Variants in ZNF407 observed in about 807,000 individuals in gnomAD.
ZNF407 encodes the protein zinc finger protein 407.
A neutral mutation model predicts 131.2 loss-of-function variants in ZNF407; 17 were observed. The ratio of observed to expected loss-of-function variants is 0.13; its 90% CI spans 0.09 to 0.19. The LOEUF (loss-of-function observed/expected upper bound fraction) is 0.19. ZNF407 is among the 10% of genes least tolerant of loss of function. The pLI is 1.00. For missense variants in ZNF407, 2,681 were observed against 2,830.6 expected, an observed-to-expected ratio of 0.95 and a Z score of 1.20; for synonymous variants, 1,156 against 1,062.0, an observed-to-expected ratio of 1.09 and a Z score of -1.72.
intron 3 of ZNF407, among the ~76,000 whole-genome samples, chr18:74,655,673 A>G (rs1025113674): frequency 6.6e-6 from 1 of 152,182 alleles, no homozygotes; most frequent in Admixed American, 6.6e-5. Flanking sequence ...TAATTTGTCT[A>G]TCTACTTTCA....
chr18:74,716,562 G>A (rs775243961), intron 3 of ZNF407, among the ~76,000 whole-genome samples: 32 of 152,212 alleles, frequency 2.1e-4, no homozygotes, highest in East Asian at 1.7e-3. Context: ...TAACTTATCC[G>A]TGGAGTTTTA....
intron 3 of ZNF407, among the ~76,000 whole-genome samples, chr18:74,702,000 G>T (rs1364474689): frequency 6.6e-6 from 1 of 152,196 alleles, no homozygotes; most frequent in Non-Finnish European, 1.5e-5. Flanking sequence ...ATAGTGCTCT[G>T]TGGGGTGCCA....
intron 3 of ZNF407, among the ~76,000 whole-genome samples, chr18:74,676,634 CCG>C (rs1156513530): frequency 2.6e-5 from 4 of 151,926 alleles, no homozygotes; most frequent in Admixed American, 2.0e-4. Context: ...CGGGGTTTCA[CCG>C]TGTTAGCCAG....
chr18:74,749,764 A>G (rs1968755995), intron 3 of ZNF407, among the ~76,000 whole-genome samples: 2 of 152,202 alleles, frequency 1.3e-5, no homozygotes, highest in Non-Finnish European at 2.9e-5. Context: ...AAAGTACAAC[A>G]GTAGGTCAAG....
intron 8 of ZNF407, among the ~76,000 whole-genome samples, chr18:74,957,785 C>A (rs549723112): frequency 1.7e-3 from 260 of 152,294 alleles, no homozygotes; most frequent in African/African-American, 6.0e-3. Flanking sequence ...TGGTACAGAT[C>A]TTCAAGATGT....
At chr18:74,667,308 ATTT>A (rs1296220318) in intron 3 of ZNF407, among the ~76,000 whole-genome samples, 1 of 152,158 alleles carries the variant, frequency 6.6e-6, no homozygotes, top group Non-Finnish European at 1.5e-5. Context: ...AGTGCTTTTC[ATTT>A]GTGTGTTACA....
chr18:74,975,812 A>G (rs1972521869), intron 8 of ZNF407, among the ~76,000 whole-genome samples: 1 of 152,176 alleles, frequency 6.6e-6, no homozygotes, highest in African/African-American at 2.4e-5. Flanking sequence ...TAAAGTTCAG[A>G]CAAGAAATGG....
chr18:74,750,855 T>C (rs1968784348), intron 3 of ZNF407, among the ~76,000 whole-genome samples: 1 of 152,222 alleles, frequency 6.6e-6, no homozygotes, highest in African/African-American at 2.4e-5. Flanking sequence ...TTGTTGTTTG[T>C]CTTTTTGATT....
At chr18:74,783,123 A>C (rs1207857822) in intron 4 of ZNF407, among the ~76,000 whole-genome samples, 5 of 152,204 alleles carry the variant, frequency 3.3e-5, no homozygotes, top group Non-Finnish European at 7.3e-5. Context: ...TTGCTTTCAC[A>C]TGCATTATCT....
chr18:74,987,298 T>C (rs1972664835), intron 8 of ZNF407, among the ~76,000 whole-genome samples: 1 of 152,198 alleles, frequency 6.6e-6, no homozygotes, highest in South Asian at 2.1e-4. Context: ...GCTCCTTTGA[T>C]AGACGATAAC....
chr18:74,782,521 A>G (rs1043312953), intron 4 of ZNF407, among the ~76,000 whole-genome samples: 9 of 151,554 alleles, frequency 5.9e-5, no homozygotes, highest in East Asian at 1.9e-4. Context: ...CTTTGCACCC[A>G]TATGTTTGAT....
chr18:74,764,273 A>G (rs1969178251), intron 3 of ZNF407, among the ~76,000 whole-genome samples: 2 of 152,062 alleles, frequency 1.3e-5, no homozygotes. Flanking sequence ...ATTTTTAAAA[A>G]CCTATGTTCT....
At chr18:74,855,111 A>C (rs1398815663) in intron 4 of ZNF407, among the ~76,000 whole-genome samples, 1 of 152,166 alleles carries the variant, frequency 6.6e-6, no homozygotes, top group Non-Finnish European at 1.5e-5. Flanking sequence ...ACCTATAAAT[A>C]AGTTGTGCTT....
At chr18:75,018,467 A>G (rs975755391) in intron 8 of ZNF407, among the ~76,000 whole-genome samples, 5 of 152,090 alleles carry the variant, frequency 3.3e-5, no homozygotes, top group African/African-American at 1.2e-4. Flanking sequence ...AAATAATTTT[A>G]TAAATGAAAA....
At chr18:74,859,072 TATG>T (rs757899101) in intron 4 of ZNF407, among the ~76,000 whole-genome samples, 1 of 152,190 alleles carries the variant, frequency 6.6e-6, no homozygotes, top group Non-Finnish European at 1.5e-5. Context: ...AGTGTACGGT[TATG>T]AAGTGTGGTA....
intron 3 of ZNF407, among the ~76,000 whole-genome samples, chr18:74,717,795 C>T (rs1412488464): frequency 6.6e-6 from 1 of 152,198 alleles, no homozygotes; most frequent in South Asian, 2.1e-4. Flanking sequence ...AATATACTTA[C>T]TGGTTCAGCA....
At chr18:75,014,600 T>G (rs1361838099) in intron 8 of ZNF407, among the ~76,000 whole-genome samples, 1 of 152,088 alleles carries the variant, frequency 6.6e-6, no homozygotes, top group African/African-American at 2.4e-5. Context: ...GTCAGATTCT[T>G]AACTTTTTTT....
At chr18:75,025,925 C>G (rs1973165573) in intron 8 of ZNF407, among the ~76,000 whole-genome samples, 1 of 152,246 alleles carries the variant, frequency 6.6e-6, no homozygotes, top group Admixed American at 6.5e-5. Context: ...GAGTGATTAT[C>G]CTATATGGTT....
At chr18:74,817,723 G>C (rs887688552) in intron 4 of ZNF407, among the ~76,000 whole-genome samples, 1 of 152,122 alleles carries the variant, frequency 6.6e-6, no homozygotes, top group Non-Finnish European at 1.5e-5. Context: ...TGTCTTGGGC[G>C]TGTATAATTG....
Sources: gnomAD v4.1 joint callset for allele counts (sites outside exome capture counted in the v4.1 genomes callset) on GRCh38, gnomAD v4.1.1 for gene constraint, MANE v1.5 for transcripts, NCBI Gene and HGNC (gene_info 2026-07-23, HGNC 2026-07-21) for gene names.